The following LAMB4 variants were observed in gnomAD, a reference collection of about 807,000 sequenced individuals.
LAMB4 encodes the protein laminin subunit beta-4.
A neutral mutation model predicts 199.2 loss-of-function variants in LAMB4; 196 were observed. The ratio of observed to expected loss-of-function variants is 0.98; its 90% CI spans 0.88 to 1.11. The LOEUF (loss-of-function observed/expected upper bound fraction) is 1.11. Ranked by LOEUF, LAMB4 falls within the 50% of genes least tolerant of loss-of-function variation. The probability of loss-of-function intolerance (pLI) is 0.00; values close to 1 mark genes in which losing one functional copy is unlikely to be tolerated. For synonymous variants in LAMB4, 744 were observed against 770.6 expected, an observed-to-expected ratio of 0.97 and a Z score of 0.57; for missense variants, 2,080 against 2,171.2, an observed-to-expected ratio of 0.96 and a Z score of 0.83.
intron 23 of LAMB4, 148 bp from the exon 24 acceptor site, chr7:108,058,076 C>A: frequency 1.6e-6 from 1 of 636,758 alleles, no homozygotes; most frequent in Non-Finnish European, 2.8e-6. Flanking sequence ...CCAGCAGCCA[C>A]CCCCGACAAT....
At position 108,057,940 on chromosome 7, in the gene LAMB4, G is replaced by A; in HGVS notation, c.3283-12C>T. The A allele has an allele frequency of 6.3e-7, 1 of 1,588,236 alleles. No homozygotes were observed. The highest frequency in any genetic ancestry group is 8.6e-7 in the Non-Finnish European group (1 of 1,156,680). ...CACTGGCCTGTAAGCTGTGAGAACA[G>A]TCATGGGTGAGGAATTGACAAGTTT... On this transcript the variant is annotated splice_polypyrimidine_tract_variant and intron_variant, in intron 23 of 33. Coordinates refer to ENST00000388781, the MANE Select transcript of LAMB4 (RefSeq NM_007356.3).
chr7:108,123,038 T>A (rs2038653835), intron 2 of LAMB4, 93 bp downstream of exon 2: 7 of 1,138,770 alleles, frequency 6.1e-6, no homozygotes, highest in Non-Finnish European at 1.3e-6. Context: ...TACAGCACTA[T>A]AGAAGACAGA....
intron 20 of LAMB4, among the ~76,000 whole-genome samples, chr7:108,066,144 A>G (rs1411121079): frequency 6.6e-6 from 1 of 152,212 alleles, no homozygotes; most frequent in Non-Finnish European, 1.5e-5. Context: ...CATTTGAGGA[A>G]CATAGAAAGT....
intron 33 of LAMB4, among the ~76,000 whole-genome samples, chr7:108,028,812 CAGTT>C (rs2034929203): frequency 6.6e-6 from 1 of 152,116 alleles, no homozygotes; most frequent in Non-Finnish European, 1.5e-5. Context: ...AAGGAAATCT[CAGTT>C]TGTTTTGACT....
At chr7:108,064,893 CTTT>C (rs59452561) in intron 21 of LAMB4, among the ~76,000 whole-genome samples, 4 of 138,800 alleles carry the variant, frequency 2.9e-5, no homozygotes, top group Admixed American at 7.3e-5. Flanking sequence ...GTGTAAATAC[CTTT>C]TTTTTTTTTT....
At chr7:108,073,782 A>G (rs939006779) in intron 17 of LAMB4, among the ~76,000 whole-genome samples, 3 of 152,228 alleles carry the variant, frequency 2.0e-5, no homozygotes, top group African/African-American at 4.8e-5. Flanking sequence ...ATTTTGGGTC[A>G]GAGACCACAG....
At chr7:108,020,470 C>CAAAAAA (rs57432162), downstream of LAMB4, among the ~76,000 whole-genome samples, 25 of 62,732 alleles carry the variant, frequency 4.0e-4, no homozygotes, top group South Asian at 1.3e-3. Flanking sequence ...GACTCCATCT[C>CAAAAAA]AAAAAAAAAA....
In LAMB4 at chr7:108,088,576, A is replaced by G. The variant is rs565694708; in HGVS notation, c.1701+3050T>C. On this transcript the variant is annotated intron_variant, in intron 14 of 33. Transcript: ENST00000388781. ...TGAGCCATGGAGAAAGTTAATTGTA[A>G]TTCTTCTTAGTTCTGCAGTTAGAAT... Among the ~76,000 whole-genome samples the G allele has an allele frequency of 5.3e-5, 8 of 152,326 alleles. No homozygotes were observed. The South Asian group carries it at 1.5e-3, about 28-fold the overall frequency.
chr7:108,023,338 G>C (rs555659356), downstream of LAMB4, among the ~76,000 whole-genome samples: 7 of 152,294 alleles, frequency 4.6e-5, no homozygotes, highest in African/African-American at 1.7e-4. Flanking sequence ...ATTTTGAAAT[G>C]AGACAATCTT....
intron 33 of LAMB4, chr7:108,027,061 A>C (rs2034863901): frequency 5.8e-6 from 2 of 345,652 alleles, no homozygotes; most frequent in Non-Finnish European, 1.1e-5. Context: ...TGTGTGTATG[A>C]CATAAACAAT....
intron 15 of LAMB4, among the ~76,000 whole-genome samples, chr7:108,078,980 A>G (rs940680293): frequency 7.2e-5 from 11 of 152,094 alleles, no homozygotes; most frequent in Non-Finnish European, 1.6e-4. Context: ...AGCCTCTAAG[A>G]CCACACCCCC....
chr7:108,062,736 T>G, intron 23 of LAMB4, 38 bp downstream of exon 23: 1 of 1,185,794 alleles, frequency 8.4e-7, no homozygotes, highest in Non-Finnish European at 1.1e-6. Context: ...ACTATCATGC[T>G]CACTTTGAGT....
intron 5 of LAMB4, among the ~76,000 whole-genome samples, 185 bp from the exon 6 acceptor site, chr7:108,108,004 G>A (rs1005020414): frequency 3.3e-5 from 5 of 152,208 alleles, no homozygotes; most frequent in Admixed American, 3.3e-4. Context: ...GCAGTGGCAT[G>A]ATCTCGGCTC....
intron 14 of LAMB4, among the ~76,000 whole-genome samples, chr7:108,083,891 A>G (rs978227583): frequency 2.0e-5 from 3 of 152,192 alleles, no homozygotes; most frequent in Admixed American, 6.5e-5. Context: ...TCCTTCTGCT[A>G]ATCTTACAGC....
chr7:108,023,407 T>G (rs1443255043), downstream of LAMB4: 1 of 152,198 alleles, frequency 6.6e-6, no homozygotes, highest in Non-Finnish European at 1.5e-5. Flanking sequence ...AAGCAACACA[T>G]TTTAAAGCAA....
At chr7:108,054,206 G>T (rs2035910921) in intron 25 of LAMB4, among the ~76,000 whole-genome samples, 1 of 152,074 alleles carries the variant, frequency 6.6e-6, no homozygotes, top group South Asian at 2.1e-4. Flanking sequence ...CCAAAGTGCT[G>T]GGATTACAGG....
At chr7:108,119,750 G>A (rs780433916) in intron 2 of LAMB4, among the ~76,000 whole-genome samples, 15 of 152,110 alleles carry the variant, frequency 9.9e-5, no homozygotes, top group South Asian at 2.1e-4. Context: ...TCAAATACAC[G>A]CACACATGAG....
Position 108,032,113 on chromosome 7 carries a change from G to A in LAMB4, c.4819-1134C>T, listed in dbSNP as rs575785833. Among the ~76,000 whole-genome samples the A allele has an allele frequency of 6.6e-5, 10 of 152,236 alleles. No homozygotes were observed. The East Asian group carries it at 1.7e-3, about 26-fold the overall frequency. On this transcript the variant is annotated intron_variant, in intron 31 of 33. Coordinates refer to ENST00000388781, the MANE Select transcript of LAMB4 (RefSeq NM_007356.3). ...CTTGTTTAAAGGCAATTTGTGGCTGGGCACGGTGGTTTACGCCTGTAATCC... is the reference window on the plus strand; with the variant it reads ...CTTGTTTAAAGGCAATTTGTGGCTGAGCACGGTGGTTTACGCCTGTAATCC...
At chr7:108,052,552 C>A (rs1219100657) in intron 25 of LAMB4, among the ~76,000 whole-genome samples, 1 of 152,160 alleles carries the variant, frequency 6.6e-6, no homozygotes, top group African/African-American at 2.4e-5. Context: ...TGTCTTTCTT[C>A]GTTTTGGGTT....
Sources: allele counts gnomAD v4.1 joint callset (sites outside exome capture counted in the v4.1 genomes callset), GRCh38; gene constraint gnomAD v4.1.1; transcripts MANE v1.5; gene names NCBI Gene and HGNC (gene_info 2026-07-23, HGNC 2026-07-21).